IQCH: variants seen among roughly 807,000 people sequenced by gnomAD.
The protein encoded by IQCH is IQ domain-containing protein H.
In IQCH, 98 loss-of-function variants were observed where a neutral mutation model predicts 117.0. The observed-to-expected ratio is 0.84, with a 90% CI of 0.71 to 0.99. The LOEUF is 0.99. Ranked by LOEUF, IQCH falls within the 50% of genes least tolerant of loss-of-function variation. The pLI, the probability that IQCH is intolerant of heterozygous loss-of-function variation, is 0.00. For missense variants in IQCH, 1,102 were observed against 1,243.8 expected (o/e 0.89, Z 1.72); for synonymous variants, 412 against 448.2 (o/e 0.92, Z 1.02).
At chr15:67,350,298 A>G (rs1485301774) in intron 6 of IQCH, among the ~76,000 whole-genome samples, 5 of 152,248 alleles carry the variant, frequency 3.3e-5, no homozygotes, top group African/African-American at 1.2e-4. Flanking sequence ...TTCTATTTAC[A>G]TGACATTTTT....
At chr15:67,308,184 A>G (rs187853161) in intron 4 of IQCH, among the ~76,000 whole-genome samples, 36 of 152,254 alleles carry the variant, frequency 2.4e-4, no homozygotes, top group African/African-American at 7.9e-4. Context: ...CAAGCCAGCA[A>G]TTATCTCTTT....
chr15:67,359,754 G>C lies in IQCH; in HGVS notation c.715-93G>C. 3.6e-6 allele frequency: 4 copies of C among 1,098,014 alleles called. No individual in the cohort carries two copies. Among genetic ancestry groups the C allele is most frequent in the Middle Eastern group, 2.0e-4 (1 of 5,032 alleles). The allele number at this position is 1,098,014 out of a possible 1,614,324, so 68.0% of individuals were successfully genotyped here. ...CAGGCTGGCCCAGCGGGTAAAATGG[G>C]GAAGGGGGTGAGGCTCTGAGCCTTC... On this transcript the variant is annotated intron_variant, in intron 7 of 20. Transcript: ENST00000335894. The surrounding 1 kb of genome is among the most constrained non-coding windows in gnomAD (Gnocchi z 4.5).
chr15:67,270,973 C>A (rs1035072101), intron 3 of IQCH, among the ~76,000 whole-genome samples: 1 of 152,012 alleles, frequency 6.6e-6, no homozygotes, highest in African/African-American at 2.4e-5. Context: ...TCCTTGTATC[C>A]CTGAGATGAA....
At chr15:67,305,917 C>T (rs767721066) in intron 4 of IQCH, among the ~76,000 whole-genome samples, 1 of 152,032 alleles carries the variant, frequency 6.6e-6, no homozygotes, top group East Asian at 1.9e-4. Context: ...TATCTACATA[C>T]TTTGAGCAAA....
At chr15:67,325,749 AAT>A (rs767097775) in intron 4 of IQCH, among the ~76,000 whole-genome samples, 5 of 152,200 alleles carry the variant, frequency 3.3e-5, no homozygotes, top group Admixed American at 1.3e-4. Context: ...CTTAATATTT[AAT>A]ATGTTTATAT....
In IQCH at chr15:67,385,467, A is replaced by T. The variant is rs980856024; in HGVS notation, c.1456+448A>T. Among the ~76,000 whole-genome samples, 1 of 152,208 alleles carries T rather than the reference A, an allele frequency of 6.6e-6. No individual in the cohort carries two copies. Among genetic ancestry groups the T allele is most frequent in the Admixed American group, 6.5e-5 (1 of 15,268 alleles). ...GGGAAAATTAAGATAGATTTTTAAA[A>T]GAAGCTTTTATTTAAATATAGAGCA... On this transcript the variant is annotated intron_variant, in intron 11 of 20. Coordinates refer to ENST00000335894, the MANE Select transcript of IQCH (RefSeq NM_001031715.3). This position sits in a 1 kb window ranked among gnomAD's most constrained non-coding sequence, Gnocchi z 4.6.
intron 6 of IQCH, among the ~76,000 whole-genome samples, chr15:67,351,995 C>T (rs75986296): frequency 0.024 from 3,690 of 152,076 alleles, 138 homozygotes; most frequent in East Asian, 0.12. Flanking sequence ...ATATTTCTTC[C>T]ATCTAGACTG....
chr15:67,376,884 C>A lies in IQCH; in HGVS notation c.1372+3451C>A, dbSNP rs1414409363. 2.0e-5 allele frequency among the ~76,000 whole-genome samples: 3 copies of A among 151,844 alleles called. No individual in the cohort carries two copies. Among genetic ancestry groups the A allele is most frequent in the African/African-American group, 7.3e-5 (3 of 41,328 alleles). ...CTGTAATCCCAATCCTTCAAGAGGC[C>A]AAGGTGGGCAGATCACGAGGTCAAG... On this transcript the variant is annotated intron_variant, in intron 10 of 20. Coordinates refer to ENST00000335894, the MANE Select transcript of IQCH (RefSeq NM_001031715.3). The surrounding 1 kb of genome is among the most constrained non-coding windows in gnomAD (Gnocchi z 5.0).
Position 67,395,185 on chromosome 15 carries a change from C to A in IQCH, c.1633-106C>A. The A allele has an allele frequency of 8.0e-7, 1 of 1,253,016 alleles. No homozygotes were observed. Among genetic ancestry groups the A allele is most frequent in the Admixed American group, 2.2e-5 (1 of 45,474 alleles). The allele number at this position is 1,253,016 out of a possible 1,614,324, so 77.6% of individuals were successfully genotyped here. A position where few individuals can be genotyped will look rare whatever the true frequency, so the allele number is the denominator to read the frequency against. ...GCTAAACAACAGGATAGGTCATAAC[C>A]CAGCCTGCTATTAATAATGTATTTA... On this transcript the variant is annotated intron_variant, in intron 12 of 20. Coordinates refer to ENST00000335894, the MANE Select transcript of IQCH (RefSeq NM_001031715.3). This position sits in a 1 kb window ranked among gnomAD's most constrained non-coding sequence, Gnocchi z 4.0.
rs564737193 is a variant in IQCH, at chr15:67,364,856, TATA to T, written c.753+4975_753+4977del. On this transcript the variant is annotated intron_variant, in intron 8 of 20. Coordinates refer to ENST00000335894, the MANE Select transcript of IQCH (RefSeq NM_001031715.3). This position sits in a 1 kb window ranked among gnomAD's most constrained non-coding sequence, Gnocchi z 4.1. ...ATTCATAAAACATTTTTAGTGGCTT[TATA>T]ATATCTTTATTAAAGATATACCATA... Among the ~76,000 whole-genome samples the T allele has an allele frequency of 6.5e-4, 99 of 152,364 alleles. 1 individual carries two copies. The highest frequency in any genetic ancestry group is 4.4e-3 in the Admixed American group (67 of 15,310).
intron 18 of IQCH, among the ~76,000 whole-genome samples, chr15:67,477,027 T>TCTATTTTC (rs926710049): frequency 1.3e-5 from 2 of 150,850 alleles, no homozygotes; most frequent in Non-Finnish European, 3.0e-5. Context: ...TTTTATACAT[T>TCTATTTTC]CTATTTTCTT....
Position 67,393,878 on chromosome 15 carries a change from A to G in IQCH, c.1633-1413A>G, listed in dbSNP as rs1971369925. Among the ~76,000 whole-genome samples, 1 of 152,144 alleles carries G rather than the reference A, an allele frequency of 6.6e-6. No individual in the cohort carries two copies. The highest frequency in any genetic ancestry group is 1.5e-5 in the Non-Finnish European group (1 of 68,034). The stretch of plus-strand genomic sequence containing the variant: ...AACTATTACCATTTGTTGAGTATCA[A>G]TGCTGTGTATTATACTAGGTATTTT... On this transcript the variant is annotated intron_variant, in intron 12 of 20. Coordinates refer to ENST00000335894, the MANE Select transcript of IQCH (RefSeq NM_001031715.3). The surrounding 1 kb of genome is among the most constrained non-coding windows in gnomAD (Gnocchi z 5.5).
At chr15:67,441,486 ATACTG>A in intron 16 of IQCH, among the ~76,000 whole-genome samples, 1 of 152,230 alleles carries the variant, frequency 6.6e-6, no homozygotes, top group Non-Finnish European at 1.5e-5. Flanking sequence ...ATTTCAAACT[ATACTG>A]TAAGTCCATA....
At chr15:67,471,317 T>C (rs926162288) in intron 17 of IQCH, among the ~76,000 whole-genome samples, 5 of 152,180 alleles carry the variant, frequency 3.3e-5, no homozygotes, top group African/African-American at 1.2e-4. Flanking sequence ...TTGATCCTTA[T>C]CAAACCTACA....
chr15:67,496,577 G>A lies in IQCH; in HGVS notation c.2970+2211G>A, dbSNP rs1236431702. 6.6e-6 allele frequency among the ~76,000 whole-genome samples: 1 copy of A among 152,076 alleles called. No individual in the cohort carries two copies. The highest frequency in any genetic ancestry group is 1.5e-5 in the Non-Finnish European group (1 of 68,016). The stretch of plus-strand genomic sequence containing the variant: ...GAAATAAAAGGCGCTGGGTGCAGTG[G>A]CCCCCACCTGTAATCCCAGCACTTT... On this transcript the variant is annotated intron_variant, in intron 20 of 20. Coordinates refer to ENST00000335894, the MANE Select transcript of IQCH (RefSeq NM_001031715.3). This position sits in a 1 kb window ranked among gnomAD's most constrained non-coding sequence, Gnocchi z 4.4.
At chr15:67,448,130 T>C (rs934988950) in intron 16 of IQCH, among the ~76,000 whole-genome samples, 1 of 150,096 alleles carries the variant, frequency 6.7e-6, no homozygotes, top group Non-Finnish European at 1.5e-5. Context: ...ACCATATACA[T>C]TGTACAGGTA....
rs1216485290 is a variant in IQCH at position 67,433,025 on chromosome 15, T to C, written c.2505+11448T>C. ...TATGGAAGAAGGCTAACAGAGTATATCTAAATTAAAATGTAATACGCCTTT... is the reference window on the plus strand; with the variant it reads ...TATGGAAGAAGGCTAACAGAGTATACCTAAATTAAAATGTAATACGCCTTT... On this transcript the variant is annotated intron_variant, in intron 16 of 20. Coordinates refer to ENST00000335894, the MANE Select transcript of IQCH (RefSeq NM_001031715.3). The surrounding 1 kb of genome is among the most constrained non-coding windows in gnomAD (Gnocchi z 5.4). Among the ~76,000 whole-genome samples, 2 of 152,166 alleles carry C rather than the reference T, an allele frequency of 1.3e-5. No homozygotes were observed. The highest frequency in any genetic ancestry group is 2.4e-5 in the African/African-American group (1 of 41,436).
intron 4 of IQCH, among the ~76,000 whole-genome samples, chr15:67,328,799 A>G (rs1968527331): frequency 6.6e-6 from 1 of 152,238 alleles, no homozygotes; most frequent in Admixed American, 6.5e-5. Context: ...AAAAGAATAC[A>G]TACTGTAATA....
At position 67,465,296 on chromosome 15, in the gene IQCH, C is replaced by A; in HGVS notation, c.2675C>A (p.Pro892Gln). Residue 892 changes from proline (P) to glutamine (Q), a missense_variant and splice_region_variant, in exon 17 of 21, where the codon CCG becomes CAG. By Grantham distance (76) the Pro-to-Gln change is moderately conservative. This residue lies in a region of IQCH where 650 missense variants were observed against 794.3 expected (regional missense o/e 0.82). Transcript: ENST00000335894. The surrounding 1 kb of genome is among the most constrained non-coding windows in gnomAD (Gnocchi z 5.9). ...KTKCMSALSM[P>Q]MLATSRYAVM... Reference sequence around the variant, plus strand: ...AAATGCATGAGTGCGCTGTCAATGCCGGTAAGCAAGAGGTGCTTCCTGAAG... The same window carrying A: ...AAATGCATGAGTGCGCTGTCAATGCAGGTAAGCAAGAGGTGCTTCCTGAAG... The A allele has an allele frequency of 6.2e-7, 1 of 1,612,494 alleles. No homozygotes were observed. Among genetic ancestry groups the A allele is most frequent in the South Asian group, 1.1e-5 (1 of 90,990 alleles).
Sources: gnomAD v4.1 joint callset for allele counts (sites outside exome capture counted in the v4.1 genomes callset) on GRCh38, gnomAD v4.1.1 for gene constraint, gnomAD v4.1.1 regional missense constraint, Gnocchi (gnomAD v3.1) non-coding constraint, MANE v1.5 for transcripts, NCBI Gene and HGNC (gene_info 2026-07-23, HGNC 2026-07-21) for gene names.